Variants in HS1BP3 observed in about 807,000 individuals in gnomAD.
HS1BP3 encodes HCLS1-binding protein 3.
HS1BP3 carries 32 observed loss-of-function variants against 33.5 expected under a neutral mutation model. That is an observed-to-expected ratio of 0.95 (90% CI 0.72 to 1.28). HS1BP3 has a LOEUF of 1.28. HS1BP3 is among the 50% of genes most tolerant of loss of function. HS1BP3 has a pLI of 0.00. For synonymous variants in HS1BP3, 187 were observed against 209.2 expected (o/e 0.89, Z 0.92); for missense variants, 486 against 502.3 (o/e 0.97, Z 0.31).
At position 20,638,577 on chromosome 2, in the gene HS1BP3, C is replaced by T. The variant is rs1324320578; in HGVS notation, c.482G>A (p.Gly161Glu). ...SVLDGTDSQTGNDEEAFDFFE... is the reference protein window; with the variant it reads ...SVLDGTDSQTENDEEAFDFFE... Reference sequence around the variant, plus strand: ...AAAGTCGAAAGCCTCTTCATCATTCCCTGTCTGACTGTCTGTGCCATCCAG... The same window carrying T: ...AAAGTCGAAAGCCTCTTCATCATTCTCTGTCTGACTGTCTGTGCCATCCAG... Residue 161 changes from glycine to glutamate, a missense_variant, in exon 4 of 7, where the codon GGG becomes GAG. Transcript: ENST00000304031. 2 of 1,614,220 alleles carry T rather than the reference C, an allele frequency of 1.2e-6. No homozygotes were observed. The highest frequency in any genetic ancestry group is 1.3e-5 in the African/African-American group (1 of 75,064).
At chr2:20,576,272 G>A (rs921279916) in intron 5 of HS1BP3, among the ~76,000 whole-genome samples, 1 of 152,134 alleles carries the variant, frequency 6.6e-6, no homozygotes, top group African/African-American at 2.4e-5. Flanking sequence ...GTGAGCCATT[G>A]CACCCGGCTA....
downstream of HS1BP3, among the ~76,000 whole-genome samples, chr2:20,556,514 G>T (rs929866448): frequency 3.9e-5 from 6 of 152,072 alleles, no homozygotes; most frequent in Non-Finnish European, 7.3e-5. Flanking sequence ...TATGATCAAG[G>T]TTACCGCATT....
In HS1BP3 at chr2:20,619,004, C is replaced by A. The variant is rs3732149; in HGVS notation, c.1162G>T (p.Ala388Ser). ...IQDHDTPAQA[A>S]PSLF ...TGGAAGGGTCAGAAGAGGCTGGGGG[C>A]GGCCTGGGCTGGTGTATCGTGGTCC... Residue 388 changes from alanine (A) to serine (S), a missense_variant, in exon 7 of 7, where the codon GCC becomes TCC. Transcript: ENST00000304031. 6.8e-6 allele frequency: 11 copies of A among 1,613,286 alleles called. No individual in the cohort carries two copies. The highest frequency in any genetic ancestry group is 9.3e-6 in the Non-Finnish European group (11 of 1,179,710).
chr2:20,625,068 G>A (rs1694736575), intron 4 of HS1BP3, among the ~76,000 whole-genome samples, 176 bp from the exon 5 acceptor site: 1 of 152,244 alleles, frequency 6.6e-6, no homozygotes, highest in South Asian at 2.1e-4. Flanking sequence ...AGCAGTCCAG[G>A]CAGGTGGAGC....
intron 3 of HS1BP3, among the ~76,000 whole-genome samples, chr2:20,595,888 G>T (rs1322440978): frequency 6.6e-6 from 1 of 152,202 alleles, no homozygotes; most frequent in East Asian, 1.9e-4. Context: ...CATACCAGGA[G>T]ACAGAGCCTT....
chr2:20,627,413 G>T (rs1417615770), intron 4 of HS1BP3, among the ~76,000 whole-genome samples: 1 of 152,252 alleles, frequency 6.6e-6, no homozygotes, highest in Non-Finnish European at 1.5e-5. Context: ...GGCGCAGAGA[G>T]GGAAGCGAGC....
intron 3 of HS1BP3, chr2:20,640,696 A>T: frequency 1.7e-6 from 1 of 584,800 alleles, no homozygotes; most frequent in South Asian, 2.4e-5. Context: ...AGCTCTAGGA[A>T]TGGGGCTGGC....
chr2:20,595,710 C>T (rs965899103), intron 3 of HS1BP3, among the ~76,000 whole-genome samples: 2 of 152,226 alleles, frequency 1.3e-5, no homozygotes, highest in African/African-American at 2.4e-5. Context: ...AATGAGACCA[C>T]AGACAACTAG....
chr2:20,635,207 T>C (rs1025372510), intron 4 of HS1BP3: 2 of 152,064 alleles, frequency 1.3e-5, no homozygotes, highest in African/African-American at 4.8e-5. Context: ...AATAAAAGCT[T>C]TGTATATGTA....
At position 20,607,388 on chromosome 2, in the gene HS1BP3, TC is replaced by T. The variant is rs1694216398; in HGVS notation, c.179-9124del. Among the ~76,000 whole-genome samples the T allele has an allele frequency of 2.6e-5, 4 of 152,202 alleles. No individual in the cohort carries two copies. In the South Asian group the frequency reaches 8.3e-4, roughly 31 times the overall value. On this transcript the variant is annotated intron_variant, in intron 2 of 3. Transcript: ENST00000415264. ...CCAGGCTGGTCTCAAACTCCTGACC[TC>T]AAGTGATCTGCCCACCTCAGCCTCC... is the stretch of plus-strand genomic sequence containing the variant.
At chr2:20,588,737 T>C (rs2149278227), downstream of HS1BP3, among the ~76,000 whole-genome samples, 1 of 152,350 alleles carries the variant, frequency 6.6e-6, no homozygotes, top group South Asian at 2.1e-4. Flanking sequence ...CCCTCCTCTC[T>C]GGCCTGTCAG....
intron 5 of HS1BP3, among the ~76,000 whole-genome samples, chr2:20,569,855 A>C (rs4666311): frequency 6.6e-5 from 10 of 152,266 alleles, no homozygotes; most frequent in African/African-American, 1.4e-4. Context: ...CATTTGCCCC[A>C]CCGCCTCTCT....
chr2:20,568,406 C>A (rs1693186737), intron 5 of HS1BP3, among the ~76,000 whole-genome samples: 1 of 152,104 alleles, frequency 6.6e-6, no homozygotes, highest in Non-Finnish European at 1.5e-5. Flanking sequence ...GGAGCTGGAG[C>A]CGGGCGGGTA....
At chr2:20,589,783 A>T (rs539701326), downstream of HS1BP3, among the ~76,000 whole-genome samples, 3 of 152,180 alleles carry the variant, frequency 2.0e-5, no homozygotes, top group South Asian at 6.2e-4. Flanking sequence ...ACTTGCAGCT[A>T]TAGGACCCAG....
At chr2:20,602,526 A>G (rs569910315) in intron 2 of HS1BP3, among the ~76,000 whole-genome samples, 1 of 152,322 alleles carries the variant, frequency 6.6e-6, no homozygotes, top group South Asian at 2.1e-4. Flanking sequence ...AGAAGTTTTT[A>G]AAGTGTGAGC....
intron 3 of HS1BP3, chr2:20,640,190 C>T (rs984393155): frequency 6.6e-6 from 1 of 152,256 alleles, no homozygotes; most frequent in African/African-American, 2.4e-5. Flanking sequence ...GTGGTGAGAA[C>T]CTGCCTTGTC....
chr2:20,570,459 T>A (rs1693240286), intron 5 of HS1BP3, among the ~76,000 whole-genome samples: 2 of 152,172 alleles, frequency 1.3e-5, no homozygotes, highest in African/African-American at 4.8e-5. Flanking sequence ...GATCATGTCT[T>A]TCCTAGCTGC....
chr2:20,560,206 G>T (rs749154305), downstream of HS1BP3, among the ~76,000 whole-genome samples: 21 of 152,334 alleles, frequency 1.4e-4, no homozygotes, highest in South Asian at 1.7e-3. Context: ...TGGGGAAGGT[G>T]GTTCCAGGGC....
At chr2:20,623,290 A>G (rs1694662813) in intron 6 of HS1BP3, 1 of 152,280 alleles carries the variant, frequency 6.6e-6, no homozygotes, top group African/African-American at 2.4e-5. Flanking sequence ...AATAGCATCC[A>G]CCTTAGGGGG....
Sources: gnomAD v4.1 joint callset for allele counts (sites outside exome capture counted in the v4.1 genomes callset) on GRCh38, gnomAD v4.1.1 for gene constraint, MANE v1.5 for transcripts, NCBI Gene and HGNC (gene_info 2026-07-23, HGNC 2026-07-21) for gene names.